The following PKP4 variants were observed in gnomAD, a reference collection of about 807,000 sequenced individuals.
PKP4 encodes the protein plakophilin 4.
Under a neutral mutation model 145.1 loss-of-function variants are expected in PKP4, and 90 were observed. The ratio of observed to expected loss-of-function variants is 0.62; its 90% confidence interval spans 0.52 to 0.74. PKP4 has a LOEUF of 0.74. Ranked by LOEUF, PKP4 falls within the 30% of genes least tolerant of loss-of-function variation. The probability of loss-of-function intolerance (pLI) is 0.00; values close to 1 mark genes in which losing one functional copy is unlikely to be tolerated. For synonymous variants in PKP4, 563 were observed against 577.2 expected (o/e 0.98, Z 0.35); for missense variants, 1,340 against 1,482.7 (o/e 0.90, Z 1.58).
chr2:158,630,294 A>G (rs188277004), intron 7 of PKP4, among the ~76,000 whole-genome samples: 40 of 152,348 alleles, frequency 2.6e-4, no homozygotes, highest in Non-Finnish European at 4.7e-4. Flanking sequence ...CATGAGTCCC[A>G]TGTGTAAACA....
rs1273643764 is a variant in PKP4, at chr2:158,507,016, T to C, written c.-5-26164T>C. The stretch of plus-strand genomic sequence containing the variant: ...CAGTATGGAATTATAGAAAGAAAGG[T>C]TGGGAGAATAGTCGTGTGATTCTCC... On this transcript the variant is annotated intron_variant, in intron 1 of 21. Coordinates refer to ENST00000389759, the MANE Select transcript of PKP4 (RefSeq NM_003628.6). Among the ~76,000 whole-genome samples the C allele has an allele frequency of 2.0e-5, 3 of 152,158 alleles. No individual in the cohort carries two copies. In the East Asian group the frequency reaches 5.8e-4, roughly 29 times the overall value.
chr2:158,459,419 T>C (rs1365127260), intron 1 of PKP4, among the ~76,000 whole-genome samples: 3 of 132,134 alleles, frequency 2.3e-5, no homozygotes, highest in East Asian at 4.4e-4. Context: ...GTGTAGATCA[T>C]GGACATTGAA....
chr2:158,533,509 C>T (rs1263366530), intron 2 of PKP4, 193 bp downstream of exon 2: 2 of 679,648 alleles, frequency 2.9e-6, no homozygotes, highest in Middle Eastern at 3.1e-4. Context: ...AGAATCGGAA[C>T]ATGCAGGATA....
chr2:158,481,404 C>T (rs1483497904), intron 1 of PKP4, among the ~76,000 whole-genome samples: 2 of 152,072 alleles, frequency 1.3e-5, no homozygotes, highest in African/African-American at 4.8e-5. Flanking sequence ...TAGGTATATA[C>T]CTAGGAGAGG....
At chr2:158,529,615 C>G (rs1310099255) in intron 1 of PKP4, among the ~76,000 whole-genome samples, 3 of 152,200 alleles carry the variant, frequency 2.0e-5, no homozygotes, top group African/African-American at 7.2e-5. Context: ...AACGCCCTTC[C>G]TATCATCCTA....
intron 1 of PKP4, among the ~76,000 whole-genome samples, chr2:158,467,432 G>A (rs1186277423): frequency 6.6e-6 from 1 of 151,542 alleles, no homozygotes; most frequent in African/African-American, 2.4e-5. Flanking sequence ...TACACCTGTA[G>A]TTACAGCTAC....
At chr2:158,551,049 T>A (rs2105701630) in intron 2 of PKP4, among the ~76,000 whole-genome samples, 1 of 152,366 alleles carries the variant, frequency 6.6e-6, no homozygotes, top group East Asian at 1.9e-4. Flanking sequence ...ATTTTACAAA[T>A]ACAGTTACTT....
Position 158,642,522 on chromosome 2 carries a change from C to T in PKP4, c.1732C>T (p.Leu578Phe), listed in dbSNP as rs2054390654. 6.2e-7 allele frequency: 1 copy of T among 1,612,816 alleles called. No individual in the cohort carries two copies. Among genetic ancestry groups the T allele is most frequent in the Non-Finnish European group, 8.5e-7 (1 of 1,179,050 alleles). The change falls in exon 11 of 22, where the codon CTT becomes TTT. Residue 578 changes from leucine to phenylalanine, a missense_variant. Coordinates refer to ENST00000389759, the MANE Select transcript of PKP4 (RefSeq NM_003628.6). ...RLGGIKHLVD[L>F]LDHRVLEVQK... is the part of the protein sequence containing the mutation. ...AGGGGGAATCAAGCATCTGGTTGAC[C>T]TTCTGGACCACAGAGTTTTGGAAGT... is the stretch of plus-strand genomic sequence containing the variant.
intron 11 of PKP4, among the ~76,000 whole-genome samples, chr2:158,655,111 G>A (rs985986399): frequency 1.3e-5 from 2 of 152,176 alleles, no homozygotes; most frequent in African/African-American, 4.8e-5. Context: ...GGTATTATAT[G>A]TAAAGCACAC....
intron 3 of PKP4, among the ~76,000 whole-genome samples, chr2:158,594,910 G>C (rs959775383): frequency 2.0e-5 from 3 of 152,214 alleles, no homozygotes; most frequent in South Asian, 2.1e-4. Context: ...CAACTCCCTC[G>C]TCCTTCAGCT....
At position 158,493,443 on chromosome 2, in the gene PKP4, C is replaced by T. The variant is rs1300803577; in HGVS notation, c.-6+36225C>T. On this transcript the variant is annotated intron_variant, in intron 1 of 21. Coordinates refer to ENST00000389759, the MANE Select transcript of PKP4 (RefSeq NM_003628.6). ...TACAGCCAAATCTTCTCACACCCTCCTTTAGCCTCTTAGTGCCATTTTCCA... is the reference window on the plus strand; with the variant it reads ...TACAGCCAAATCTTCTCACACCCTCTTTTAGCCTCTTAGTGCCATTTTCCA... Among the ~76,000 whole-genome samples, 3 of 152,170 alleles carry T rather than the reference C, an allele frequency of 2.0e-5. No individual in the cohort carries two copies. In the East Asian group the frequency reaches 5.8e-4, roughly 29 times the overall value.
At chr2:158,551,986 T>C (rs79921461) in intron 2 of PKP4, among the ~76,000 whole-genome samples, 16,890 of 152,262 alleles carry the variant, frequency 0.11, 1,222 homozygotes, top group Non-Finnish European at 0.15. Context: ...GCTTGGAGCC[T>C]ATAAACGTTA....
chr2:158,650,507 A>G (rs906302015), intron 11 of PKP4, among the ~76,000 whole-genome samples: 10 of 152,180 alleles, frequency 6.6e-5, no homozygotes, highest in African/African-American at 2.2e-4. Flanking sequence ...GCTAACCCTT[A>G]TATTCTCTAA....
chr2:158,462,798 C>T (rs1473779839), intron 1 of PKP4, among the ~76,000 whole-genome samples: 3 of 152,142 alleles, frequency 2.0e-5, no homozygotes, highest in African/African-American at 2.4e-5. Context: ...CTGTGGTCCT[C>T]GTTTTGCTCA....
chr2:158,587,779 C>T lies in PKP4; in HGVS notation c.245+10396C>T, dbSNP rs539490375. Among the ~76,000 whole-genome samples, 24 of 152,010 alleles carry T rather than the reference C, an allele frequency of 1.6e-4. No individual in the cohort carries two copies. In the South Asian group the frequency reaches 5.0e-3, roughly 32 times the overall value. On this transcript the variant is annotated intron_variant, in intron 3 of 21. Transcript: ENST00000389759. ...ATATTGAACATAAAATTCAAGTCCC[C>T]TTTGCCACATTTTCTCTTCCCCATA...
chr2:158,663,432 C>T lies in PKP4; in HGVS notation c.2564C>T (p.Ala855Val), dbSNP rs745843755. The change falls in exon 15 of 22, where the codon GCT (alanine) becomes GTT (valine). Residue 855 changes from alanine (A) to valine (V), a missense_variant. Coordinates refer to ENST00000389759, the MANE Select transcript of PKP4 (RefSeq NM_003628.6). ...GSAGSLQNLS[A>V]GNWKFAAYIR... ...GCAGGGTCTCTCCAGAACCTCTCTG[C>T]TGGCAACTGGAAGGTAGGATGACTT... 5.6e-6 allele frequency: 9 copies of T among 1,611,428 alleles called. No individual in the cohort carries two copies. Among genetic ancestry groups the T allele is most frequent in the Non-Finnish European group, 7.6e-6 (9 of 1,179,220 alleles).
At position 158,680,716 on chromosome 2, in the gene PKP4, C is replaced by T. The variant is rs560630805; in HGVS notation, c.*39C>T. 6.5e-7 allele frequency: 1 copy of T among 1,535,286 alleles called. No homozygotes were observed. Among genetic ancestry groups the T allele is most frequent in the African/African-American group, 1.4e-5 (1 of 72,440 alleles). On this transcript the variant is annotated 3_prime_UTR_variant, in exon 22 of 22. Transcript: ENST00000389759. ...AACAGAGGAACTCTTTCTTTCTAAC[C>T]TTGTTCAGATTGAGGTGAAAAGTCC...
chr2:158,606,039 C>G (rs547668067), intron 4 of PKP4, among the ~76,000 whole-genome samples: 3 of 152,182 alleles, frequency 2.0e-5, no homozygotes, highest in African/African-American at 7.2e-5. Flanking sequence ...GGTCTTACTA[C>G]TTTTGTCTGT....
At chr2:158,560,655 A>G (rs968467319) in intron 2 of PKP4, among the ~76,000 whole-genome samples, 2 of 152,166 alleles carry the variant, frequency 1.3e-5, no homozygotes, top group African/African-American at 4.8e-5. Context: ...CCTCTTAGGA[A>G]AGAACGTGGT....
Sources: gnomAD v4.1 joint callset for allele counts (sites outside exome capture counted in the v4.1 genomes callset) on GRCh38, gnomAD v4.1.1 for gene constraint, MANE v1.5 for transcripts, NCBI Gene and HGNC (gene_info 2026-07-23, HGNC 2026-07-21) for gene names.